MLIP: variants seen among roughly 807,000 people sequenced by gnomAD.
MLIP encodes muscular LMNA-interacting protein.
A neutral mutation model predicts 84.8 loss-of-function variants in MLIP; 79 were observed. That is an observed-to-expected ratio of 0.93 (90% confidence interval 0.78 to 1.12). The LOEUF (loss-of-function observed/expected upper bound fraction) is 1.12, where lower values mean the gene tolerates loss of function less well. Among genes scored for constraint, MLIP ranks in the 50% most tolerant of loss-of-function variants. MLIP has a pLI of 0.00. For synonymous variants in MLIP, 504 were observed against 463.0 expected (o/e 1.09, Z -1.14); for missense variants, 1,257 against 1,160.6 (o/e 1.08, Z -1.21).
chr6:54,157,373 C>A (rs1011830209), intron 5 of MLIP, among the ~76,000 whole-genome samples: 1 of 152,078 alleles, frequency 6.6e-6, no homozygotes, highest in Non-Finnish European at 1.5e-5. Context: ...TCTGCTCCTG[C>A]AGATAAGGTC....
rs1437914283 is a variant in MLIP at position 54,173,256 on chromosome 6, A to G, written c.2544+3684A>G. ...TTTTCTTCATGTCAAAGTTTCTGCC[A>G]TTTGATACTTCTACATACTTGTAGA... is the stretch of plus-strand genomic sequence containing the variant. On this transcript the variant is annotated intron_variant, in intron 9 of 13. Transcript: ENST00000502396. 3.3e-5 allele frequency among the ~76,000 whole-genome samples: 5 copies of G among 151,898 alleles called. No individual in the cohort carries two copies. The East Asian group carries it at 9.7e-4, about 29-fold the overall frequency.
At chr6:54,168,853 CT>C (rs3996971) in intron 8 of MLIP, among the ~76,000 whole-genome samples, 15,753 of 118,064 alleles carry the variant, frequency 0.13, 924 homozygotes, top group African/African-American at 0.3. Context: ...GGGTTGAGGT[CT>C]TTTTTTTTTT....
At chr6:54,099,132 G>C (rs1768446610) in intron 1 of MLIP, among the ~76,000 whole-genome samples, 1 of 152,112 alleles carries the variant, frequency 6.6e-6, no homozygotes, top group South Asian at 2.1e-4. Context: ...ACCAAAAAAA[G>C]TTGTTTTGAG....
At chr6:54,242,896 C>A (rs1344683753) in intron 12 of MLIP, among the ~76,000 whole-genome samples, 1 of 152,032 alleles carries the variant, frequency 6.6e-6, no homozygotes, top group African/African-American at 2.4e-5. Flanking sequence ...CCTTTTTGTT[C>A]CAACATAAAG....
intron 3 of MLIP, among the ~76,000 whole-genome samples, chr6:54,128,559 A>G (rs1384438481): frequency 6.6e-6 from 1 of 152,186 alleles, no homozygotes; most frequent in Admixed American, 6.5e-5. Context: ...AGGACCCCTG[A>G]GTCCATTAAA....
At position 54,202,357 on chromosome 6, in the gene MLIP, C is replaced by T. The variant is rs9474760; in HGVS notation, c.2718+124C>T. ...AAGATGTCTCTATGAATATAGTATG[C>T]GTAAGAACATGTTCATTTGATTGGA... On this transcript the variant is annotated intron_variant, in intron 11 of 13. Coordinates refer to ENST00000502396, the MANE Select transcript of MLIP (RefSeq NM_001281747.2). 281 of 429,930 alleles carry T rather than the reference C, an allele frequency of 6.5e-4. 1 individual carries two copies. Among genetic ancestry groups the T allele is most frequent in the African/African-American group, 2.9e-3 (133 of 45,976 alleles). The allele number at this position is 429,930 out of a possible 1,614,324, so 26.6% of individuals were successfully genotyped here.
chr6:54,257,405 G>T, intron 13 of MLIP, 44 bp downstream of exon 13: 2 of 1,393,704 alleles, frequency 1.4e-6, no homozygotes. Flanking sequence ...CCATTTCTGT[G>T]TGATTATAGA....
intron 9 of MLIP, among the ~76,000 whole-genome samples, chr6:54,187,223 A>G (rs1483774878): frequency 6.6e-6 from 1 of 152,176 alleles, no homozygotes; most frequent in Non-Finnish European, 1.5e-5. Context: ...TAAGGCCCCC[A>G]TGAGGGCAAA....
At chr6:54,098,178 C>A (rs1374470662) in intron 1 of MLIP, among the ~76,000 whole-genome samples, 1 of 125,470 alleles carries the variant, frequency 8.0e-6, no homozygotes, top group African/African-American at 3.0e-5. Context: ...TTGTTAGAGA[C>A]GGGATCTCAA....
chr6:54,140,014 A>G (rs1385298856), intron 4 of MLIP, among the ~76,000 whole-genome samples: 2 of 152,130 alleles, frequency 1.3e-5, no homozygotes, highest in South Asian at 2.1e-4. Context: ...TCAATTGACA[A>G]TCCTACTTAT....
intron 13 of MLIP, among the ~76,000 whole-genome samples, chr6:54,258,434 A>C (rs1346364622): frequency 6.6e-6 from 1 of 152,058 alleles, no homozygotes; most frequent in Non-Finnish European, 1.5e-5. Context: ...TGTGTTATGA[A>C]TAGGTATGCA....
intron 1 of MLIP, among the ~76,000 whole-genome samples, chr6:54,116,120 C>A (rs1450103795): frequency 3.3e-5 from 5 of 151,964 alleles, no homozygotes; most frequent in Non-Finnish European, 7.4e-5. Flanking sequence ...CTGACATGAA[C>A]TGGGTTAAAA....
At position 54,136,846 on chromosome 6, in the gene MLIP, C is replaced by G. The variant is rs1771840047; in HGVS notation, c.777C>G (p.Phe259Leu). 1 of 1,534,988 alleles carries G rather than the reference C, an allele frequency of 6.5e-7. No individual in the cohort carries two copies. Among genetic ancestry groups the G allele is most frequent in the African/African-American group, 1.4e-5 (1 of 73,128 alleles). Residue 259 changes from phenylalanine to leucine, a missense_variant, in exon 4 of 14, where the codon TTC (phenylalanine) becomes TTG (leucine). Phe to Leu is a conservative substitution (Grantham distance 22). Transcript: ENST00000502396. Reference sequence around the variant, plus strand: ...AGGGAGCCTCTGTCCTAGAGGAGTTCCACACTAGGAGGCTGGATGTCGGTG... The same window carrying G: ...AGGGAGCCTCTGTCCTAGAGGAGTTGCACACTAGGAGGCTGGATGTCGGTG... ...NLEGASVLEE[F>L]HTRRLDVGGA...
intron 12 of MLIP, among the ~76,000 whole-genome samples, chr6:54,243,102 T>A (rs1781846640): frequency 6.6e-6 from 1 of 152,114 alleles, no homozygotes; most frequent in Non-Finnish European, 1.5e-5. Context: ...AGAAAAAAAT[T>A]CAATACTTAG....
chr6:54,147,451 G>A (rs1775809), intron 4 of MLIP, among the ~76,000 whole-genome samples: 18 of 152,116 alleles, frequency 1.2e-4, no homozygotes, highest in African/African-American at 3.9e-4. Context: ...GGTTAATGTA[G>A]CAACTTAGGG....
intron 1 of MLIP, among the ~76,000 whole-genome samples, chr6:54,059,450 A>T (rs1225959567): frequency 6.6e-6 from 1 of 152,192 alleles, no homozygotes; most frequent in Non-Finnish European, 1.5e-5. Flanking sequence ...CTTCCTCTTT[A>T]TTCTCTAAAT....
At chr6:54,197,785 T>A (rs915859297) in intron 10 of MLIP, among the ~76,000 whole-genome samples, 4 of 152,102 alleles carry the variant, frequency 2.6e-5, no homozygotes, top group Admixed American at 2.6e-4. Flanking sequence ...GTTGTAATAT[T>A]GCTGAACAAT....
intron 1 of MLIP, among the ~76,000 whole-genome samples, chr6:54,097,235 C>T (rs532932011): frequency 6.6e-6 from 1 of 152,270 alleles, no homozygotes; most frequent in African/African-American, 2.4e-5. Flanking sequence ...ATTCATGATT[C>T]TGTCTTCTTT....
chr6:54,230,633 A>G (rs968161634), intron 11 of MLIP, 81 bp from the exon 12 acceptor site: 1 of 1,258,166 alleles, frequency 7.9e-7, no homozygotes, highest in Admixed American at 1.7e-5. Context: ...ATTCTGACCT[A>G]TGTCTATCGT....
Sources: allele counts gnomAD v4.1 joint callset (sites outside exome capture counted in the v4.1 genomes callset), GRCh38; gene constraint gnomAD v4.1.1; transcripts MANE v1.5; gene names NCBI Gene and HGNC (gene_info 2026-07-23, HGNC 2026-07-21).